PTPRT: variants seen among roughly 807,000 people sequenced by gnomAD.
The protein encoded by PTPRT is protein tyrosine phosphatase receptor type T, also known as receptor-type tyrosine-protein phosphatase T.
In PTPRT, 56 loss-of-function variants were observed where a neutral mutation model predicts 176.8. The observed-to-expected ratio is 0.32, with a 90% CI of 0.26 to 0.40. The LOEUF is 0.40. Ranked by LOEUF, PTPRT falls within the 10% of genes least tolerant of loss-of-function variation. PTPRT has a pLI of 1.00. For missense variants in PTPRT, 1,540 were observed against 1,908.2 expected (o/e 0.81, Z 3.60); for synonymous variants, 783 against 739.0 (o/e 1.06, Z -0.96).
chr20:42,156,348 C>T (rs1482820056), intron 17 of PTPRT, among the ~76,000 whole-genome samples: 2 of 152,194 alleles, frequency 1.3e-5, no homozygotes, highest in African/African-American at 4.8e-5. Context: ...TGTCTGTACC[C>T]TGGAAAATGC....
intron 12 of PTPRT, among the ~76,000 whole-genome samples, chr20:42,285,670 C>T (rs898589909): frequency 3.3e-5 from 5 of 151,634 alleles, no homozygotes; most frequent in Admixed American, 6.6e-5. Context: ...CAACACAGCA[C>T]TGCAAGTCCT....
At chr20:42,673,844 G>A (rs543614474) in intron 7 of PTPRT, among the ~76,000 whole-genome samples, 33 of 152,236 alleles carry the variant, frequency 2.2e-4, no homozygotes, top group South Asian at 1.7e-3. Flanking sequence ...GAGAACCACC[G>A]CCCAAGATGA....
At chr20:42,879,756 T>C (rs5000379) in intron 2 of PTPRT, among the ~76,000 whole-genome samples, 2,763 of 140,884 alleles carry the variant, frequency 0.02, 46 homozygotes, top group African/African-American at 0.053. Flanking sequence ...TGTGTGTGTG[T>C]GCGCGTGTGT....
chr20:42,502,331 C>T (rs2071764389), intron 7 of PTPRT, among the ~76,000 whole-genome samples: 1 of 151,674 alleles, frequency 6.6e-6, no homozygotes, highest in African/African-American at 2.4e-5. Context: ...ACTTGTGCCC[C>T]TCCCTACAGT....
chr20:42,084,845 G>C lies in PTPRT; in HGVS notation c.3973C>G (p.Pro1325Ala). Residue 1325 changes from proline to alanine, a missense_variant and splice_region_variant, in exon 29 of 31, where the codon CCA becomes GCA. Transcript: ENST00000373187. The stretch of plus-strand genomic sequence containing the variant: ...TGGACTATACGATAACCATCCTGTG[G>C]CTGAGAACAGAGAGGCTGTTAGGGC... ...RIFRICNMAR[P>A]QDGYRIVQHL... is the part of the protein sequence containing the mutation. 7.0e-7 allele frequency: 1 copy of C among 1,422,806 alleles called. No individual in the cohort carries two copies. Among genetic ancestry groups the C allele is most frequent in the Non-Finnish European group, 9.3e-7 (1 of 1,070,780 alleles). The allele number at this position is 1,422,806 out of a possible 1,614,324, so 88.1% of individuals were successfully genotyped here. A position where few individuals can be genotyped will look rare whatever the true frequency, so the allele number is the denominator to read the frequency against.
intron 27 of PTPRT, among the ~76,000 whole-genome samples, chr20:42,089,796 T>C (rs1984414445): frequency 6.6e-6 from 1 of 152,180 alleles, no homozygotes; most frequent in Non-Finnish European, 1.5e-5. Context: ...ACACTGCATA[T>C]ATTCTAGCCA....
chr20:42,723,669 T>C (rs2076336396), intron 6 of PTPRT, among the ~76,000 whole-genome samples: 2 of 152,170 alleles, frequency 1.3e-5, no homozygotes, highest in Admixed American at 6.5e-5. Context: ...TGTAGCCAAC[T>C]GTGTGTTTCT....
intron 1 of PTPRT, among the ~76,000 whole-genome samples, chr20:42,952,532 G>A (rs979529036): frequency 2.4e-4 from 37 of 152,172 alleles, no homozygotes; most frequent in African/African-American, 8.2e-4. Flanking sequence ...CAACTTCTGC[G>A]TGCCTCAGTT....
chr20:42,199,340 C>T lies in PTPRT; in HGVS notation c.2391G>A (p.Glu797=), dbSNP rs1367980846. The stretch of plus-strand genomic sequence containing the variant: ...TGTCGGCAGAGGCCACAGGCCCCAT[C>T]TCCCTCTGGGCTCCACTCTGGGTCT... ...QKETQSGAQR[E]MGPVASADKP... is the part of the protein sequence containing the mutation. Residue 797 remains glutamate (E), a synonymous_variant, in exon 16 of 31, where the codon GAG becomes GAA. Transcript: ENST00000373187. 4 of 1,614,168 alleles carry T rather than the reference C, an allele frequency of 2.5e-6. No individual in the cohort carries two copies. The highest frequency in any genetic ancestry group is 2.5e-6 in the Non-Finnish European group (3 of 1,180,008).
At chr20:42,746,635 A>G (rs1234684405) in intron 6 of PTPRT, among the ~76,000 whole-genome samples, 1 of 151,902 alleles carries the variant, frequency 6.6e-6, no homozygotes, top group Non-Finnish European at 1.5e-5. Flanking sequence ...GGGAAAAAAA[A>G]TGATGCAAGT....
chr20:43,098,329 C>T (rs2012250694), intron 1 of PTPRT, among the ~76,000 whole-genome samples: 1 of 152,156 alleles, frequency 6.6e-6, no homozygotes, highest in Non-Finnish European at 1.5e-5. Context: ...AAGACCTTGG[C>T]CATGTGACTC....
chr20:43,003,532 T>C (rs1984699926), intron 1 of PTPRT, among the ~76,000 whole-genome samples: 1 of 152,188 alleles, frequency 6.6e-6, no homozygotes, highest in Admixed American at 6.5e-5. Flanking sequence ...CTTAGAACCT[T>C]GCTACACAAA....
chr20:42,614,546 C>A (rs188293864), intron 7 of PTPRT, among the ~76,000 whole-genome samples: 42 of 140,342 alleles, frequency 3.0e-4, no homozygotes, highest in African/African-American at 1.3e-3. Flanking sequence ...GTCACCACCC[C>A]CTTCTATTCC....
At chr20:42,465,516 G>A (rs1448329003) in intron 8 of PTPRT, among the ~76,000 whole-genome samples, 3 of 152,150 alleles carry the variant, frequency 2.0e-5, no homozygotes, top group South Asian at 2.1e-4. Context: ...CTGATATGAA[G>A]TGATTTCTAG....
chr20:42,447,083 T>C (rs2070747171), intron 9 of PTPRT, among the ~76,000 whole-genome samples: 1 of 152,162 alleles, frequency 6.6e-6, no homozygotes, highest in African/African-American at 2.4e-5. Flanking sequence ...TACTTTTCCT[T>C]CATCAAATAC....
intron 7 of PTPRT, among the ~76,000 whole-genome samples, chr20:42,557,908 A>C (rs940162208): frequency 1.3e-5 from 2 of 152,182 alleles, no homozygotes; most frequent in East Asian, 1.9e-4. Flanking sequence ...GGCAATTACA[A>C]ATAGAAATAT....
chr20:42,567,066 G>C (rs2073051525), intron 7 of PTPRT, among the ~76,000 whole-genome samples: 1 of 152,256 alleles, frequency 6.6e-6, no homozygotes, highest in African/African-American at 2.4e-5. Flanking sequence ...GATGTCAGGA[G>C]TTCGAGACCA....
chr20:42,123,112 A>G (rs1348166054), intron 19 of PTPRT, among the ~76,000 whole-genome samples: 1 of 152,154 alleles, frequency 6.6e-6, no homozygotes, highest in East Asian at 1.9e-4. Flanking sequence ...TGGTTGGTGA[A>G]ATACATGTAT....
At chr20:42,248,856 A>C (rs753119457) in intron 13 of PTPRT, 34 bp from the exon 14 acceptor site, 1 of 1,608,528 alleles carries the variant, frequency 6.2e-7, no homozygotes, top group African/African-American at 1.3e-5. Context: ...GCAATGTTGA[A>C]AGCACCCAAA....
Sources: allele counts gnomAD v4.1 joint callset (sites outside exome capture counted in the v4.1 genomes callset), GRCh38; gene constraint gnomAD v4.1.1; transcripts MANE v1.5; gene names NCBI Gene and HGNC (gene_info 2026-07-23, HGNC 2026-07-21).